AUTS2: variants seen among roughly 807,000 people sequenced by gnomAD.
The protein encoded by AUTS2 is activator of transcription and developmental regulator AUTS2.
A neutral mutation model predicts 112.4 loss-of-function variants in AUTS2; 17 were observed. The ratio of observed to expected loss-of-function variants is 0.15; its 90% CI spans 0.10 to 0.23. AUTS2 has a LOEUF of 0.23. Among genes scored for constraint, AUTS2 ranks in the 10% least tolerant of loss-of-function variants. AUTS2 has a pLI of 1.00. For missense variants in AUTS2, 1,510 were observed against 1,701.6 expected, an observed-to-expected ratio of 0.89 and a Z score of 1.98; for synonymous variants, 751 against 702.7, an observed-to-expected ratio of 1.07 and a Z score of -1.09.
At chr7:70,518,538 G>A (rs898346570) in intron 5 of AUTS2, among the ~76,000 whole-genome samples, 1 of 152,058 alleles carries the variant, frequency 6.6e-6, no homozygotes, top group Non-Finnish European at 1.5e-5. Context: ...CAAAAAATTA[G>A]CCAGGCGTGG....
At chr7:70,170,886 G>A (rs1808646468) in intron 4 of AUTS2, among the ~76,000 whole-genome samples, 1 of 152,188 alleles carries the variant, frequency 6.6e-6, no homozygotes, top group Non-Finnish European at 1.5e-5. Flanking sequence ...GATTACAGGT[G>A]TGAGCCACCG....
chr7:69,935,523 G>A (rs1051737932), intron 2 of AUTS2, among the ~76,000 whole-genome samples: 1 of 152,178 alleles, frequency 6.6e-6, no homozygotes, highest in African/African-American at 2.4e-5. Context: ...GAAGCATGGA[G>A]AGGTTTTAGA....
rs1236774089 is a variant in AUTS2 at position 70,213,977 on chromosome 7, A to G, written c.660+79406A>G. Among the ~76,000 whole-genome samples, 5 of 152,356 alleles carry G rather than the reference A, an allele frequency of 3.3e-5. No individual in the cohort carries two copies. In the South Asian group the frequency reaches 1.0e-3, roughly 32 times the overall value. ...GTTTGACACTTGGTGGTCTATAAAT[A>G]TAAATATCATTTCATTCCTGAAGGT... is the stretch of plus-strand genomic sequence containing the variant. On this transcript the variant is annotated intron_variant, in intron 4 of 18. Coordinates refer to ENST00000342771, the MANE Select transcript of AUTS2 (RefSeq NM_015570.4).
intron 1 of AUTS2, among the ~76,000 whole-genome samples, chr7:69,889,617 G>A (rs1346929883): frequency 2.0e-5 from 3 of 152,072 alleles, no homozygotes; most frequent in Admixed American, 2.0e-4. Flanking sequence ...TGTCTTCTTC[G>A]GAAAAATGTC....
In AUTS2 at chr7:69,867,245, G is replaced by T. The variant is rs1009195591; in HGVS notation, c.310-32041G>T. 2.6e-5 allele frequency among the ~76,000 whole-genome samples: 4 copies of T among 152,296 alleles called. No homozygotes were observed. In the East Asian group the frequency reaches 7.7e-4, roughly 29 times the overall value. ...GAGATGGAGTTTGGGAGGCAGATAG[G>T]CCTTGAGGACTTGGTGGGAGTTTGT... On this transcript the variant is annotated intron_variant, in intron 1 of 18. Transcript: ENST00000342771.
chr7:69,681,826 G>A (rs1400684154), intron 1 of AUTS2, among the ~76,000 whole-genome samples: 1 of 152,098 alleles, frequency 6.6e-6, no homozygotes, highest in Non-Finnish European at 1.5e-5. Flanking sequence ...TTTGTTAAAT[G>A]TCTCCTTTTT....
intron 1 of AUTS2, among the ~76,000 whole-genome samples, chr7:69,609,160 C>G (rs1487422892): frequency 6.6e-6 from 1 of 152,200 alleles, no homozygotes; most frequent in Non-Finnish European, 1.5e-5. Flanking sequence ...GAGGCTCTCA[C>G]TGTTACCCTA....
intron 2 of AUTS2, among the ~76,000 whole-genome samples, chr7:70,113,488 T>C (rs1055274244): frequency 6.6e-6 from 1 of 152,204 alleles, no homozygotes; most frequent in Non-Finnish European, 1.5e-5. Context: ...TATGGGTATA[T>C]TAAAATTTTC....
chr7:70,774,155 G>T, intron 12 of AUTS2, 56 bp downstream of exon 12: 5 of 1,525,436 alleles, frequency 3.3e-6, no homozygotes, highest in Middle Eastern at 1.8e-4. Flanking sequence ...GTGTTTGCAC[G>T]GGACGGCCAG....
At chr7:70,374,649 C>T (rs1793002360) in intron 4 of AUTS2, among the ~76,000 whole-genome samples, 1 of 152,204 alleles carries the variant, frequency 6.6e-6, no homozygotes, top group African/African-American at 2.4e-5. Flanking sequence ...AACCTTTCAA[C>T]TGGCATATTT....
chr7:70,520,224 T>G (rs1419177118), intron 5 of AUTS2, among the ~76,000 whole-genome samples: 1 of 152,186 alleles, frequency 6.6e-6, no homozygotes, highest in Non-Finnish European at 1.5e-5. Flanking sequence ...TCTCTTTCTC[T>G]CTGACACACA....
At chr7:70,497,221 C>T (rs559251827) in intron 5 of AUTS2, among the ~76,000 whole-genome samples, 2 of 144,824 alleles carry the variant, frequency 1.4e-5, no homozygotes, top group East Asian at 2.1e-4. Flanking sequence ...ACATCAGCGT[C>T]GATCACACAC....
intron 6 of AUTS2, among the ~76,000 whole-genome samples, chr7:70,740,958 G>A (rs1475471569): frequency 6.6e-6 from 1 of 151,990 alleles, no homozygotes; most frequent in Non-Finnish European, 1.5e-5. Context: ...GCCGGGCATG[G>A]TGGCATGTAC....
intron 1 of AUTS2, among the ~76,000 whole-genome samples, chr7:69,838,208 T>C (rs1161763357): frequency 6.6e-6 from 1 of 152,156 alleles, no homozygotes; most frequent in South Asian, 2.1e-4. Flanking sequence ...TATTTGAAGT[T>C]TGCATGAAGT....
At chr7:70,660,176 CAA>C (rs893225793) in intron 5 of AUTS2, among the ~76,000 whole-genome samples, 1 of 127,592 alleles carries the variant, frequency 7.8e-6, no homozygotes, top group Non-Finnish European at 1.7e-5. Context: ...GACTCTGTCT[CAA>C]AAAAAAAAAG....
At chr7:69,881,421 T>C (rs1044014120) in intron 1 of AUTS2, among the ~76,000 whole-genome samples, 1 of 152,180 alleles carries the variant, frequency 6.6e-6, no homozygotes, top group Non-Finnish European at 1.5e-5. Context: ...GTAGGTAATA[T>C]TTTCATGTTG....
At chr7:69,963,666 G>A (rs916653371) in intron 2 of AUTS2, among the ~76,000 whole-genome samples, 4 of 152,152 alleles carry the variant, frequency 2.6e-5, no homozygotes, top group African/African-American at 9.7e-5. Flanking sequence ...TCACAGCTAT[G>A]AGCCTATTTA....
chr7:70,599,983 CA>C (rs1435967717), intron 5 of AUTS2, among the ~76,000 whole-genome samples: 2 of 152,184 alleles, frequency 1.3e-5, no homozygotes. Flanking sequence ...TGCATACCAA[CA>C]GGACCTTCAG....
chr7:70,333,808 G>T (rs1017718875), intron 4 of AUTS2, among the ~76,000 whole-genome samples: 2 of 152,140 alleles, frequency 1.3e-5, no homozygotes, highest in Non-Finnish European at 2.9e-5. Context: ...GGCCTGTTGG[G>T]GGGTGGAGGG....
Sources: allele counts gnomAD v4.1 joint callset (sites outside exome capture counted in the v4.1 genomes callset), GRCh38; gene constraint gnomAD v4.1.1; transcripts MANE v1.5; gene names NCBI Gene and HGNC (gene_info 2026-07-23, HGNC 2026-07-21).